Variants in EMG1 observed in about 807,000 individuals in gnomAD.
The protein encoded by EMG1 is ribosomal RNA small subunit methyltransferase NEP1.
A neutral mutation model predicts 26.9 loss-of-function variants in EMG1; 24 were observed. The ratio of observed to expected loss-of-function variants is 0.89; its 90% CI spans 0.65 to 1.26. EMG1 has a LOEUF of 1.26. Ranked by LOEUF, EMG1 falls within the 50% of genes most tolerant of loss-of-function variation. EMG1 has a pLI of 0.00. For missense variants in EMG1, 299 were observed against 307.6 expected (o/e 0.97, Z 0.21); for synonymous variants, 140 against 112.6 (o/e 1.24, Z -1.54).
chr12:6,990,878 C>G (rs1352015984), downstream of EMG1, among the ~76,000 whole-genome samples: 1 of 138,804 alleles, frequency 7.2e-6, no homozygotes, highest in African/African-American at 2.9e-5. Flanking sequence ...GATCACGCCA[C>G]TGTGCTCCAG....
rs1449200815 is a variant in EMG1, at chr12:6,976,791, C to T, written c.*982C>T. 3.3e-5 allele frequency: 6 copies of T among 182,838 alleles called. No individual in the cohort carries two copies. Among genetic ancestry groups the T allele is most frequent in the Middle Eastern group, 2.5e-3 (1 of 402 alleles). The allele number at this position is 182,838 out of a possible 1,614,324, so 11.3% of individuals were successfully genotyped here. A position where few individuals can be genotyped will look rare whatever the true frequency, so the allele number is the denominator to read the frequency against. ...GCAGCAGAGGCACAGCTGGAAGCAT[C>T]GATCTTCCACCTCCCTGGCTTTTCC... is the stretch of plus-strand genomic sequence containing the variant. On this transcript the variant is annotated 3_prime_UTR_variant, in exon 6 of 6. Transcript: ENST00000599672.
chr12:6,986,000 C>G (rs2138337743), intron 6 of EMG1, among the ~76,000 whole-genome samples: 1 of 152,116 alleles, frequency 6.6e-6, no homozygotes, highest in South Asian at 2.1e-4. Context: ...GTCTCGAACT[C>G]CTGACCTCAG....
At chr12:6,981,792 G>C, downstream of EMG1, 1 of 1,594,290 alleles carries the variant, frequency 6.3e-7, no homozygotes, top group Non-Finnish European at 8.6e-7. Flanking sequence ...AAGGAAGGCA[G>C]GCAGTGACCA....
chr12:6,996,518 C>T (rs1202829377), intron 7 of EMG1, among the ~76,000 whole-genome samples: 2 of 152,138 alleles, frequency 1.3e-5, no homozygotes, highest in East Asian at 1.9e-4. Flanking sequence ...TAGTCCCTAC[C>T]GTACCCCAGT....
At chr12:6,990,381 C>T (rs142428633), downstream of EMG1, among the ~76,000 whole-genome samples, 3,314 of 147,048 alleles carry the variant, frequency 0.023, 109 homozygotes, top group African/African-American at 0.074. Context: ...TGGTGGCGGG[C>T]ACCTGTAGCC....
intron 1 of EMG1, 31 bp downstream of exon 1, chr12:6,971,122 A>G: frequency 1.3e-6 from 2 of 1,586,934 alleles, no homozygotes; most frequent in Non-Finnish European, 1.7e-6. Context: ...GAGAAGTAGT[A>G]AATCGATAGG....
At chr12:6,981,492 G>T, downstream of EMG1, 2 of 1,147,652 alleles carry the variant, frequency 1.7e-6, no homozygotes, top group Non-Finnish European at 2.6e-6. Context: ...TGGGGAATGA[G>T]GGAGAGGCTC....
intron 1 of EMG1, among the ~76,000 whole-genome samples, chr12:6,971,403 A>G (rs906530404): frequency 6.6e-6 from 1 of 151,230 alleles, no homozygotes; most frequent in Admixed American, 6.6e-5. Flanking sequence ...CCTCTGGAGT[A>G]GCTGGGACTA....
chr12:6,977,737 A>C lies in EMG1; in HGVS notation c.*1928A>C. 2 of 1,613,834 alleles carry C rather than the reference A, an allele frequency of 1.2e-6. No individual in the cohort carries two copies. The highest frequency in any genetic ancestry group is 1.7e-6 in the Non-Finnish European group (2 of 1,179,888). On this transcript the variant is annotated 3_prime_UTR_variant, in exon 6 of 6. Coordinates refer to ENST00000599672, the MANE Select transcript of EMG1 (RefSeq NM_006331.8). This position sits in a 1 kb window ranked among gnomAD's most constrained non-coding sequence, Gnocchi z 4.5. ...ATTTCCAAGGAACTTGAGTCGTTTG[A>C]AGATGTAGCTGGAGAAAAGGGTGGG... is the stretch of plus-strand genomic sequence containing the variant.
downstream of EMG1, chr12:6,981,202 C>A: frequency 6.3e-7 from 1 of 1,591,800 alleles, no homozygotes. Context: ...GAAGAGAATG[C>A]ATGGTTCAGG....
At chr12:6,996,149 G>A (rs1408123209) in intron 7 of EMG1, among the ~76,000 whole-genome samples, 1 of 152,104 alleles carries the variant, frequency 6.6e-6, no homozygotes, top group African/African-American at 2.4e-5. Flanking sequence ...TCTCAATCTG[G>A]CCTCTACCCT....
At chr12:6,983,624 C>G, downstream of EMG1, 1 of 809,564 alleles carries the variant, frequency 1.2e-6, no homozygotes, top group Non-Finnish European at 2.1e-6. Flanking sequence ...GCATGAAACG[C>G]AGCCCAGAGG....
At position 6,975,848 on chromosome 12, in the gene EMG1, G is replaced by A. The variant is rs1365341852; in HGVS notation, c.*39G>A. ...TGTTCTGAAACCAGAAACTGTTGAT[G>A]TCACATCCTTTGACCCTGGTCTGAG... On this transcript the variant is annotated 3_prime_UTR_variant, in exon 6 of 6. Coordinates refer to ENST00000599672, the MANE Select transcript of EMG1 (RefSeq NM_006331.8). 1.7e-6 allele frequency: 2 copies of A among 1,195,474 alleles called. No individual in the cohort carries two copies. The highest frequency in any genetic ancestry group is 1.5e-5 in the African/African-American group (1 of 66,880). The allele number at this position is 1,195,474 out of a possible 1,614,324, so 74.1% of individuals were successfully genotyped here.
chr12:6,988,488 G>A (rs1946551094), downstream of EMG1: 1 of 152,224 alleles, frequency 6.6e-6, no homozygotes, highest in Non-Finnish European at 1.5e-5. Context: ...CTTCAGGGAT[G>A]TGCTGTTTTT....
In EMG1 at chr12:6,987,373, C is replaced by G. The variant is rs1428251335; in HGVS notation, c.*155-409C>G. Among the ~76,000 whole-genome samples the G allele has an allele frequency of 6.6e-6, 1 of 152,188 alleles. No individual in the cohort carries two copies. The highest frequency in any genetic ancestry group is 1.5e-5 in the Non-Finnish European group (1 of 68,046). On this transcript the variant is annotated intron_variant and NMD_transcript_variant, in intron 6 of 7. Transcript: ENST00000261406. This position sits in a 1 kb window ranked among gnomAD's most constrained non-coding sequence, Gnocchi z 4.1. Reference sequence around the variant, plus strand: ...GCTGAGATGATGGGATATAGGATCACTAGCTCTAGGGAGGTGGAGACATCT... The same window carrying G: ...GCTGAGATGATGGGATATAGGATCAGTAGCTCTAGGGAGGTGGAGACATCT...
intron 1 of EMG1, among the ~76,000 whole-genome samples, chr12:6,972,183 C>G (rs1946339107): frequency 6.6e-6 from 1 of 151,764 alleles, no homozygotes; most frequent in African/African-American, 2.4e-5. Flanking sequence ...TCTCCTGCCT[C>G]AGCCTCCAGA....
Position 6,979,796 on chromosome 12 carries a change from AAGTC to A in EMG1, c.*3990_*3993del, listed in dbSNP as rs1428717475. On this transcript the variant is annotated 3_prime_UTR_variant, in exon 6 of 6. Transcript: ENST00000599672. ...TGCAAACCTCTTAAGAGTTGTAGGA[AAGTC>A]AGGGCAGCAGACAGTGGACCAGTCT... 9 of 573,036 alleles carry A rather than the reference AAGTC, an allele frequency of 1.6e-5. No individual in the cohort carries two copies. In the Admixed American group the frequency reaches 2.2e-4, roughly 14 times the overall value. The allele number at this position is 573,036 out of a possible 1,614,324, so 35.5% of individuals were successfully genotyped here.
At position 6,975,110 on chromosome 12, in the gene EMG1, AGT is replaced by A; in HGVS notation, c.436_437del (p.Val146SerfsTer4). The stretch of plus-strand genomic sequence containing the variant: ...TCTAGTTCAACTTTTACACAAGCTC[AGT>A]GTTCGAGCAGCTGATGGCCCCCAGA... ...GLMVQLLHKL[S>X]VRAADGPQKL... On this transcript the variant is annotated frameshift_variant, in exon 4 of 6. Coordinates refer to ENST00000599672, the MANE Select transcript of EMG1 (RefSeq NM_006331.8). LOFTEE classifies it high-confidence loss of function. 6.2e-7 allele frequency: 1 copy of A among 1,613,634 alleles called. No individual in the cohort carries two copies. Among genetic ancestry groups the A allele is most frequent in the Non-Finnish European group, 8.5e-7 (1 of 1,179,524 alleles).
chr12:6,977,578 C>T lies in EMG1; in HGVS notation c.*1769C>T, dbSNP rs782239619. ...ATCTTGTCCCTTATATTCCCCTTCA[C>T]CCCCACCCTGGAGGCCTACCTGTCT... On this transcript the variant is annotated 3_prime_UTR_variant, in exon 6 of 6. Transcript: ENST00000599672. The surrounding 1 kb of genome is among the most constrained non-coding windows in gnomAD (Gnocchi z 4.5). 6.2e-7 allele frequency: 1 copy of T among 1,614,162 alleles called. No homozygotes were observed. Among genetic ancestry groups the T allele is most frequent in the South Asian group, 1.1e-5 (1 of 91,078 alleles).
Sources: gnomAD v4.1 joint callset for allele counts (sites outside exome capture counted in the v4.1 genomes callset) on GRCh38, gnomAD v4.1.1 for gene constraint, Gnocchi (gnomAD v3.1) non-coding constraint, MANE v1.5 for transcripts, NCBI Gene and HGNC (gene_info 2026-07-23, HGNC 2026-07-21) for gene names.